The following FITM2 variants were observed in gnomAD, a reference collection of about 807,000 sequenced individuals.
The protein encoded by FITM2 is acyl-coenzyme A diphosphatase FITM2.
FITM2 carries 16 observed loss-of-function variants against 23.3 expected under a neutral mutation model. The ratio of observed to expected loss-of-function variants is 0.69; its 90% CI spans 0.47 to 1.05. The LOEUF (loss-of-function observed/expected upper bound fraction) is 1.05. Among genes scored for constraint, FITM2 ranks in the 50% least tolerant of loss-of-function variants. The pLI, the probability that FITM2 is intolerant of heterozygous loss-of-function variation, is 0.00. For synonymous variants in FITM2, 132 were observed against 142.0 expected (o/e 0.93, Z 0.50); for missense variants, 273 against 327.5 (o/e 0.83, Z 1.29).
chr20:44,307,345 T>C (rs2062693641), intron 1 of FITM2, 105 bp from the exon 2 acceptor site: 3 of 1,376,006 alleles, frequency 2.2e-6, no homozygotes, highest in Non-Finnish European at 3.0e-6. Context: ...ATGAGAAAAC[T>C]GATCAAAGCT....
chr20:44,306,645 G>C lies in FITM2; in HGVS notation c.769C>G (p.Gln257Glu). ...CTCTTTTATTTCTTGTAACTATCTT[G>C]CTTCAAATTCAAACTACAGCTCTGG... ...PPQSCSLNLK[Q>E]DSYKK is the part of the protein sequence containing the mutation. The change falls in exon 2 of 2, where the codon CAA becomes GAA. Residue 257 changes from glutamine to glutamate, a missense_variant. Coordinates refer to ENST00000396825, the MANE Select transcript of FITM2 (RefSeq NM_001080472.4). 1 of 1,613,498 alleles carries C rather than the reference G, an allele frequency of 6.2e-7. No individual in the cohort carries two copies. The highest frequency in any genetic ancestry group is 8.5e-7 in the Non-Finnish European group (1 of 1,179,610).
intron 1 of FITM2, among the ~76,000 whole-genome samples, chr20:44,309,238 G>A (rs1600587108): frequency 6.6e-6 from 1 of 152,052 alleles, no homozygotes; most frequent in East Asian, 1.9e-4. Flanking sequence ...GGAATGCAGT[G>A]GCATGATCTC....
intron 1 of FITM2, among the ~76,000 whole-genome samples, chr20:44,308,938 T>C (rs1464406754): frequency 1.3e-5 from 2 of 152,102 alleles, no homozygotes; most frequent in Non-Finnish European, 2.9e-5. Flanking sequence ...TAACTTATTA[T>C]ACCTCCTACC....
chr20:44,306,899 A>C lies in FITM2; in HGVS notation c.515T>G (p.Val172Gly), dbSNP rs890562767. ...TCGGTCCGTCTTCACCTCATGCAGCACAGACATCTCTTCTACAATCATGAG... is the reference window on the plus strand; with the variant it reads ...TCGGTCCGTCTTCACCTCATGCAGCCCAGACATCTCTTCTACAATCATGAG... The part of the protein sequence containing the change: ...CALMIVEEMS[V>G]LHEVKTDRSH... Residue 172 changes from valine to glycine, a missense_variant, in exon 2 of 2, where the codon GTG becomes GGG. Val to Gly is a moderately radical substitution (Grantham distance 109). Transcript: ENST00000396825. 8 of 1,614,192 alleles carry C rather than the reference A, an allele frequency of 5.0e-6. No individual in the cohort carries two copies. Among genetic ancestry groups the C allele is most frequent in the Non-Finnish European group, 6.8e-6 (8 of 1,180,030 alleles).
In FITM2 at chr20:44,307,312, T is replaced by A. The variant is rs548469631; in HGVS notation, c.174-72A>T. On this transcript the variant is annotated intron_variant, in intron 1 of 1. Transcript: ENST00000396825. ...AGGACACCATGTCAGGACTCAGGTCTCTACACTGTCAGGGGAGGGAAAATG... is the reference window on the plus strand; with the variant it reads ...AGGACACCATGTCAGGACTCAGGTCACTACACTGTCAGGGGAGGGAAAATG... The A allele has an allele frequency of 3.1e-5, 48 of 1,556,914 alleles. No individual in the cohort carries two copies. The East Asian group carries it at 1.0e-3, about 34-fold the overall frequency.
chr20:44,310,853 C>T, intron 1 of FITM2, 123 bp downstream of exon 1: 1 of 1,330,432 alleles, frequency 7.5e-7, no homozygotes, highest in Non-Finnish European at 1.0e-6. Flanking sequence ...GCTGCTGTCA[C>T]GGCTAGGAGG....
At position 44,304,676 on chromosome 20, in the gene FITM2, A is replaced by T. The variant is rs1472708985; in HGVS notation, c.*1949T>A. The T allele has an allele frequency of 1.3e-5, 2 of 152,362 alleles. No homozygotes were observed. Among genetic ancestry groups the T allele is most frequent in the African/African-American group, 4.8e-5 (2 of 41,426 alleles). 9.4% of individuals were successfully genotyped at this position (152,362 alleles called of 1,614,324 possible). On this transcript the variant is annotated 3_prime_UTR_variant, in exon 2 of 2. Transcript: ENST00000396825. ...AGGGAGGCATTTTACTTCACTTCTG[A>T]ATTATCATAATCTTGTCCAACAGGT...
chr20:44,307,271 A>G (rs1290666345), intron 1 of FITM2, 31 bp from the exon 2 acceptor site: 2 of 1,608,054 alleles, frequency 1.2e-6, no homozygotes, highest in South Asian at 1.1e-5. Context: ...AAGTGAAGAG[A>G]GGGAACACGG....
chr20:44,307,337 G>A, intron 1 of FITM2, 97 bp from the exon 2 acceptor site: 2 of 1,445,140 alleles, frequency 1.4e-6, no homozygotes, highest in Non-Finnish European at 1.9e-6. Context: ...GAGGGAAAAT[G>A]AGAAAACTGA....
At position 44,305,777 on chromosome 20, in the gene FITM2, G is replaced by C. The variant is rs1267050743; in HGVS notation, c.*848C>G. ...GTGGAGGTTGCGGTGAGCCGAGATCGGGCCATTGCACCCCAGCCTGGGCAA... is the reference window on the plus strand; with the variant it reads ...GTGGAGGTTGCGGTGAGCCGAGATCCGGCCATTGCACCCCAGCCTGGGCAA... On this transcript the variant is annotated 3_prime_UTR_variant, in exon 2 of 2. Coordinates refer to ENST00000396825, the MANE Select transcript of FITM2 (RefSeq NM_001080472.4). The C allele has an allele frequency of 1.3e-5, 2 of 152,034 alleles. No homozygotes were observed. Among genetic ancestry groups the C allele is most frequent in the Admixed American group, 6.6e-5 (1 of 15,210 alleles). The allele number at this position is 152,034 out of a possible 1,614,324, so 9.4% of individuals were successfully genotyped here. A position where few individuals can be genotyped will look rare whatever the true frequency, so the allele number is the denominator to read the frequency against.
rs1322370270 is a variant in FITM2 at position 44,302,982 on chromosome 20, G to C, written c.*3643C>G. The C allele has an allele frequency of 6.6e-6, 1 of 152,184 alleles. No homozygotes were observed. The allele number at this position is 152,184 out of a possible 1,614,324, so 9.4% of individuals were successfully genotyped here. ...TGCACGTGGAAAATGAGGCGTCAGT[G>C]AATTAATCTCAACATAGAAAGGCAA... On this transcript the variant is annotated 3_prime_UTR_variant, in exon 2 of 2. Transcript: ENST00000396825.
chr20:44,311,012 T>G lies in FITM2; in HGVS notation c.137A>C (p.Glu46Ala). 6.4e-7 allele frequency: 1 copy of G among 1,571,440 alleles called. No individual in the cohort carries two copies. The highest frequency in any genetic ancestry group is 1.2e-5 in the South Asian group (1 of 85,608). The stretch of plus-strand genomic sequence containing the variant: ...GTTGCGCTTGTTGCTGAGGTAGCTC[T>G]CGGGCAACGGGGACAACTCCTTGAG... Reference protein sequence around the residue: ...SLLKELSPLPESYLSNKRNVL... With the variant: ...SLLKELSPLPASYLSNKRNVL... Residue 46 changes from glutamate (E) to alanine (A), a missense_variant, in exon 1 of 2, where the codon GAG (glutamate) becomes GCG (alanine). This residue lies in a region of FITM2 where 123 missense variants were observed against 117.9 expected (regional missense o/e 1.04). Transcript: ENST00000396825.
At chr20:44,310,954 C>G in intron 1 of FITM2, 22 bp downstream of exon 1, 1 of 1,529,878 alleles carries the variant, frequency 6.5e-7, no homozygotes, top group Non-Finnish European at 8.8e-7. Context: ...GCGGGGACAG[C>G]GGAGGACCGG....
At chr20:44,307,948 G>A (rs1285526005) in intron 1 of FITM2, among the ~76,000 whole-genome samples, 5 of 151,996 alleles carry the variant, frequency 3.3e-5, no homozygotes, top group Admixed American at 1.3e-4. Context: ...TTAGCCAGGC[G>A]TGGTGGCGGG....
rs576128635 is a variant in FITM2 at position 44,306,337 on chromosome 20, GC to G, written c.*287del. 5.2e-4 allele frequency: 193 copies of G among 371,038 alleles called. No homozygotes were observed. Among genetic ancestry groups the G allele is most frequent in the Non-Finnish European group, 9.1e-4 (178 of 195,656 alleles). 23.0% of individuals were successfully genotyped at this position (371,038 alleles called of 1,614,324 possible). A position where few individuals can be genotyped will look rare whatever the true frequency, so the allele number is the denominator to read the frequency against. On this transcript the variant is annotated 3_prime_UTR_variant, in exon 2 of 2. Transcript: ENST00000396825. ...TTTCCTGATTCTGCCCTTTTGCTGA[GC>G]CTTAGGTCCCCACTCTAGGGACAAA...
At chr20:44,307,727 T>TC (rs1209821458) in intron 1 of FITM2, among the ~76,000 whole-genome samples, 1 of 146,326 alleles carries the variant, frequency 6.8e-6, no homozygotes, top group East Asian at 2.2e-4. Flanking sequence ...TGCCCAGCCC[T>TC]CCCCTCCTCC....
At chr20:44,308,614 C>T (rs535257024) in intron 1 of FITM2, among the ~76,000 whole-genome samples, 1 of 152,340 alleles carries the variant, frequency 6.6e-6, no homozygotes, top group Non-Finnish European at 1.5e-5. Flanking sequence ...CACCTCACTG[C>T]AGCCTCAAAC....
At chr20:44,310,689 C>G (rs922617961) in intron 1 of FITM2, among the ~76,000 whole-genome samples, 1 of 152,178 alleles carries the variant, frequency 6.6e-6, no homozygotes, top group Non-Finnish European at 1.5e-5. Flanking sequence ...CATCCCCACC[C>G]CATTCCACAC....
chr20:44,309,387 C>A, intron 1 of FITM2, among the ~76,000 whole-genome samples: 1 of 152,090 alleles, frequency 6.6e-6, no homozygotes, highest in East Asian at 1.9e-4. Flanking sequence ...ACCACGTTGG[C>A]CAGGCTGGTC....
Sources: gnomAD v4.1 joint callset for allele counts (sites outside exome capture counted in the v4.1 genomes callset) on GRCh38, gnomAD v4.1.1 for gene constraint, gnomAD v4.1.1 regional missense constraint, MANE v1.5 for transcripts, NCBI Gene and HGNC (gene_info 2026-07-23, HGNC 2026-07-21) for gene names.